DEAF1: variants seen among roughly 807,000 people sequenced by gnomAD.
DEAF1 encodes deformed epidermal autoregulatory factor 1 homolog.
A neutral mutation model predicts 58.9 loss-of-function variants in DEAF1; 53 were observed. The ratio of observed to expected loss-of-function variants is 0.90; its 90% CI spans 0.72 to 1.13. DEAF1 has a LOEUF of 1.13. Ranked by LOEUF, DEAF1 falls within the 50% of genes most tolerant of loss-of-function variation. The probability of loss-of-function intolerance (pLI) is 0.00; values close to 1 mark genes in which losing one functional copy is unlikely to be tolerated. For missense variants in DEAF1, 685 were observed against 791.4 expected (o/e 0.87, Z 1.61); for synonymous variants, 385 against 340.4 (o/e 1.13, Z -1.44).
intron 10 of DEAF1, among the ~76,000 whole-genome samples, chr11:668,883 T>G (rs1859676738): frequency 6.6e-6 from 1 of 152,088 alleles, no homozygotes; most frequent in Non-Finnish European, 1.5e-5. Context: ...TGGACTGCAG[T>G]GGTGCAATCT....
At position 694,999 on chromosome 11, in the gene DEAF1, C is replaced by T; in HGVS notation, c.49G>A (p.Ala17Thr). 7.9e-7 allele frequency: 1 copy of T among 1,270,290 alleles called. No individual in the cohort carries two copies. Among genetic ancestry groups the T allele is most frequent in the Admixed American group, 3.9e-5 (1 of 25,696 alleles). 78.7% of individuals were successfully genotyped at this position (1,270,290 alleles called of 1,614,324 possible). A position where few individuals can be genotyped will look rare whatever the true frequency, so the allele number is the denominator to read the frequency against. The change falls in exon 1 of 12, where the codon GCG becomes ACG. Residue 17 changes from alanine (A) to threonine (T), a missense_variant. Around this residue, in one of 3 missense-constraint regions of DEAF1, gnomAD observed 210 missense variants for 177.3 expected, o/e 1.18. Coordinates refer to ENST00000382409, the MANE Select transcript of DEAF1 (RefSeq NM_021008.4). The part of the protein sequence containing the change: ...AAKQLGLAEA[A>T]AVAAAAAVAA... ...ACAGCGGCCGCGGCCGCCACCGCCG[C>T]CGCCTCAGCCAGGCCCAGCTGCTTT...
chr11:686,822 C>A, intron 5 of DEAF1, 36 bp downstream of exon 5: 1 of 1,613,550 alleles, frequency 6.2e-7, no homozygotes, highest in East Asian at 2.2e-5. Flanking sequence ...CACGTCTGAA[C>A]TGTGTGCTGA....
rs529401104 is a variant in DEAF1 at position 680,183 on chromosome 11, CGTGTCCCACAGCAAGGCTGCCCT to C, written c.998-390_998-368del. 6.5e-3 allele frequency: 2,122 copies of C among 328,946 alleles called. 8 individuals are homozygous for C. Among genetic ancestry groups the C allele is most frequent in the Non-Finnish European group, 8.7e-3 (1,464 of 169,100 alleles). 20.4% of individuals were successfully genotyped at this position (328,946 alleles called of 1,614,324 possible). On this transcript the variant is annotated intron_variant, in intron 7 of 11. Transcript: ENST00000382409. ...ATCCAAGCTGAAGGTAAAAAGCAGC[CGTGTCCCACAGCAAGGCTGCCCT>C]GTGTCCCACAGCAAGGCTGCCTCTC...
At chr11:689,603 G>A (rs1860744833) in intron 2 of DEAF1, 1 of 152,144 alleles carries the variant, frequency 6.6e-6, no homozygotes, top group African/African-American at 2.4e-5. Flanking sequence ...CAACACACAT[G>A]CCTGACGCCT....
intron 10 of DEAF1, among the ~76,000 whole-genome samples, chr11:673,757 G>A (rs1438205241): frequency 3.9e-5 from 6 of 152,142 alleles, no homozygotes; most frequent in African/African-American, 7.2e-5. Context: ...TCTCGTCCCC[G>A]TGCCCTGTGA....
intron 10 of DEAF1, among the ~76,000 whole-genome samples, chr11:673,509 C>CA (rs1407627018): frequency 2.6e-5 from 4 of 152,102 alleles, no homozygotes; most frequent in African/African-American, 9.7e-5. Context: ...GCCTGGGCGA[C>CA]AGAGTGACAG....
chr11:651,976 A>C (rs989506058), intron 11 of DEAF1, among the ~76,000 whole-genome samples: 3 of 152,204 alleles, frequency 2.0e-5, no homozygotes, highest in Non-Finnish European at 4.4e-5. Flanking sequence ...AATAGAGAAA[A>C]TCAGTGAGAA....
Position 644,570 on chromosome 11 carries a change from T to A in DEAF1, c.1678A>T (p.Met560Leu). ...ADEVHVAESV[M>L]EKVTV ...GAGCCTCACACGGTCACCTTCTCCA[T>A]CACGCTTTCAGCCACGTGGACTTCG... The change falls in exon 12 of 12, where the codon ATG (methionine) becomes TTG (leucine). Residue 560 changes from methionine (M) to leucine (L), a missense_variant. By Grantham distance (15) the Met-to-Leu change is conservative. Coordinates refer to ENST00000382409, the MANE Select transcript of DEAF1 (RefSeq NM_021008.4). The surrounding 1 kb of genome is among the most constrained non-coding windows in gnomAD (Gnocchi z 4.3). The A allele has an allele frequency of 6.2e-7, 1 of 1,612,938 alleles. No individual in the cohort carries two copies. Among genetic ancestry groups the A allele is most frequent in the East Asian group, 2.2e-5 (1 of 44,854 alleles).
upstream of DEAF1, chr11:700,063 G>A (rs1861372880): frequency 4.2e-6 from 5 of 1,194,504 alleles, no homozygotes; most frequent in Non-Finnish European, 6.2e-6. Flanking sequence ...ACAGATGACA[G>A]AACCAGCCCC....
Position 681,007 on chromosome 11 carries a change from G to A in DEAF1, c.953C>T (p.Ser318Phe). Residue 318 changes from serine (S) to phenylalanine (F), a missense_variant, in exon 7 of 12, where the codon TCC becomes TTC. Around this residue, in one of 3 missense-constraint regions of DEAF1, gnomAD observed 343 missense variants for 379.8 expected, o/e 0.90. Transcript: ENST00000382409. ...TGGAAGCAATGTGATGTTCTTGGGG[G>A]AGTCCTTCTTCACGGGAGTTGTGGG... ...ELPTTPVKKD[S>F]PKNITLLPAT... 1.2e-6 allele frequency: 2 copies of A among 1,614,180 alleles called. No individual in the cohort carries two copies. Among genetic ancestry groups the A allele is most frequent in the Non-Finnish European group, 1.7e-6 (2 of 1,180,032 alleles).
chr11:696,762 T>C (rs7107327), upstream of DEAF1, among the ~76,000 whole-genome samples: 510 of 3,014 alleles, frequency 0.17, no homozygotes, highest in South Asian at 0.3. Flanking sequence ...CGAGACCCCC[T>C]TCTACAAAAA....
intron 10 of DEAF1, among the ~76,000 whole-genome samples, chr11:670,443 G>A (rs138419594): frequency 0.01 from 1,556 of 148,510 alleles, 19 homozygotes; most frequent in African/African-American, 0.029. Flanking sequence ...GGCCAGGTGC[G>A]GTGGCTCACA....
intron 10 of DEAF1, among the ~76,000 whole-genome samples, chr11:670,947 G>C (rs201931747): frequency 4.4e-5 from 1 of 22,628 alleles, no homozygotes; most frequent in Non-Finnish European, 8.1e-5. Context: ...TTTTTTTTTT[G>C]AGACAGAGTC....
chr11:686,888 G>A lies in DEAF1; in HGVS notation c.774C>T (p.Tyr258=), dbSNP rs117691319. ...TGAGGCACTGCAAGGGTCGGCCCGC[G>A]TAGCGAATGCTTCTTTTCCAGTCCT... is the stretch of plus-strand genomic sequence containing the variant. ...SSKDWKRSIR[Y]AGRPLQCLIQ... The change falls in exon 5 of 12, where the codon TAC becomes TAT. Residue 258 remains tyrosine, a synonymous_variant. Transcript: ENST00000382409. 18,935 of 1,614,214 alleles carry A rather than the reference G, an allele frequency of 0.012. 123 individuals carry two copies. The highest frequency in any genetic ancestry group is 0.013 in the Non-Finnish European group (15,491 of 1,180,042).
rs567412215 is a variant in DEAF1 at position 667,659 on chromosome 11, A to C, written c.1503+6877T>G. Among the ~76,000 whole-genome samples, 502 of 152,076 alleles carry C rather than the reference A, an allele frequency of 3.3e-3. 1 individual carries two copies. Among genetic ancestry groups the C allele is most frequent in the African/African-American group, 0.011 (474 of 41,468 alleles). On this transcript the variant is annotated intron_variant, in intron 10 of 11. Coordinates refer to ENST00000382409, the MANE Select transcript of DEAF1 (RefSeq NM_021008.4). ...TGTCTCTAATAAAAAAATACAAAAA[A>C]TTAGCTGGGCATGGTGGTGTGTGCC...
chr11:678,518 G>A (rs1320042778), intron 9 of DEAF1, 176 bp downstream of exon 9: 17 of 949,574 alleles, frequency 1.8e-5, no homozygotes, highest in Non-Finnish European at 8.1e-6. Flanking sequence ...CTGTGTGTCA[G>A]TAAAACTTTA....
chr11:649,100 A>G (rs1858636459), intron 11 of DEAF1, among the ~76,000 whole-genome samples: 1 of 152,060 alleles, frequency 6.6e-6, no homozygotes, highest in Non-Finnish European at 1.5e-5. Context: ...AAAATACAAA[A>G]ATTAGCCTGG....
intron 1 of DEAF1, chr11:704,136 T>G (rs1407328248): frequency 8.9e-7 from 1 of 1,125,484 alleles, no homozygotes; most frequent in Non-Finnish European, 1.1e-6. Context: ...TGAATTCTCC[T>G]AATTATGGCC....
At chr11:676,016 C>A (rs1403132546) in intron 9 of DEAF1, among the ~76,000 whole-genome samples, 2 of 53,254 alleles carry the variant, frequency 3.8e-5, no homozygotes, top group Non-Finnish European at 7.3e-5. Flanking sequence ...GCACCCGACA[C>A]CCCCCAGCAC....
Sources: gnomAD v4.1 joint callset for allele counts (sites outside exome capture counted in the v4.1 genomes callset) on GRCh38, gnomAD v4.1.1 for gene constraint, gnomAD v4.1.1 regional missense constraint, Gnocchi (gnomAD v3.1) non-coding constraint, MANE v1.5 for transcripts, NCBI Gene and HGNC (gene_info 2026-07-23, HGNC 2026-07-21) for gene names.